Variants in GRIN2A observed in about 807,000 individuals in gnomAD.
GRIN2A encodes glutamate receptor ionotropic, NMDA 2A.
Under a neutral mutation model 113.4 loss-of-function variants are expected in GRIN2A, and 22 were observed. That is an observed-to-expected ratio of 0.19 (90% CI 0.14 to 0.28). The LOEUF is 0.28. Among genes scored for constraint, GRIN2A ranks in the 10% least tolerant of loss-of-function variants. GRIN2A has a pLI of 1.00. For missense variants in GRIN2A, 1,502 were observed against 1,887.0 expected, an observed-to-expected ratio of 0.80 and a Z score of 3.78; for synonymous variants, 827 against 738.4, an observed-to-expected ratio of 1.12 and a Z score of -1.94.
chr16:10,132,307 G>C (rs2049080840), intron 2 of GRIN2A, among the ~76,000 whole-genome samples: 1 of 131,444 alleles, frequency 7.6e-6, no homozygotes, highest in Non-Finnish European at 1.6e-5. Context: ...ACTCCAGCCT[G>C]GGCAACAGAA....
rs139650937 is a variant in GRIN2A at position 9,823,003 on chromosome 16, T to C, written c.2008-579A>G. On this transcript the variant is annotated intron_variant, in intron 9 of 12. Transcript: ENST00000330684. ...GGCACTATTTATCTAGTGCCTAACA[T>C]TCCCCAGGCATAATTGCCAGTGCAT... is the stretch of plus-strand genomic sequence containing the variant. Among the ~76,000 whole-genome samples, 413 of 152,318 alleles carry C rather than the reference T, an allele frequency of 2.7e-3. 1 individual carries two copies. The highest frequency in any genetic ancestry group is 9.4e-3 in the African/African-American group (391 of 41,584).
intron 2 of GRIN2A, among the ~76,000 whole-genome samples, chr16:9,965,656 C>G (rs1161545138): frequency 6.6e-6 from 1 of 152,170 alleles, no homozygotes; most frequent in East Asian, 1.9e-4. Context: ...TAGCACACAG[C>G]TGAGACCCAA....
At chr16:9,993,273 G>C (rs1331457940) in intron 2 of GRIN2A, among the ~76,000 whole-genome samples, 4 of 152,000 alleles carry the variant, frequency 2.6e-5, no homozygotes, top group Non-Finnish European at 2.9e-5. Flanking sequence ...AATAAGGTTG[G>C]ATATGGGGGT....
In GRIN2A at chr16:9,891,093, C is replaced by A. The variant is rs1432079771; in HGVS notation, c.1015G>T (p.Val339Phe). ...TCTTTGCCATCCCATGTAACATTGA[C>A]CATAAATCTAGAAAGGGGAAGAGAG... is the stretch of plus-strand genomic sequence containing the variant. ...VPMHTLHPFM[V>F]NVTWDGKDLS... Residue 339 changes from valine to phenylalanine, a missense_variant, in exon 4 of 13, where the codon GTC becomes TTC. Val to Phe is a conservative substitution (Grantham distance 50). Coordinates refer to ENST00000330684, the MANE Select transcript of GRIN2A (RefSeq NM_001134407.3). The A allele has an allele frequency of 6.2e-7, 1 of 1,601,128 alleles. No homozygotes were observed. The highest frequency in any genetic ancestry group is 1.1e-5 in the South Asian group (1 of 90,814).
intron 2 of GRIN2A, among the ~76,000 whole-genome samples, chr16:9,960,389 C>T (rs758824749): frequency 3.3e-5 from 5 of 152,106 alleles, no homozygotes; most frequent in Admixed American, 6.5e-5. Context: ...ATACTAAGAG[C>T]GACTGTTCTT....
At chr16:10,149,087 G>A (rs2049508261) in intron 2 of GRIN2A, among the ~76,000 whole-genome samples, 1 of 152,232 alleles carries the variant, frequency 6.6e-6, no homozygotes, top group African/African-American at 2.4e-5. Flanking sequence ...TATTGGGGGT[G>A]TGAGGGCAGG....
At chr16:10,042,197 C>T (rs2047178055) in intron 2 of GRIN2A, among the ~76,000 whole-genome samples, 1 of 152,196 alleles carries the variant, frequency 6.6e-6, no homozygotes, top group Non-Finnish European at 1.5e-5. Flanking sequence ...ATACTCCCCT[C>T]CTTCAAAAGG....
At chr16:10,146,844 G>C (rs964263304) in intron 2 of GRIN2A, among the ~76,000 whole-genome samples, 2 of 151,882 alleles carry the variant, frequency 1.3e-5, no homozygotes, top group African/African-American at 4.8e-5. Flanking sequence ...TTCCCAAGCA[G>C]ATGAGGAGGC....
At chr16:10,144,015 G>A (rs923250120) in intron 2 of GRIN2A, among the ~76,000 whole-genome samples, 2 of 151,890 alleles carry the variant, frequency 1.3e-5, no homozygotes, top group Non-Finnish European at 2.9e-5. Context: ...TGGCTCTCTT[G>A]GATAATGCCA....
chr16:10,179,717 C>T (rs918878350), intron 2 of GRIN2A: 12 of 506,906 alleles, frequency 2.4e-5, no homozygotes, highest in African/African-American at 1.9e-4. Flanking sequence ...ACCACCACCA[C>T]CCCACAGCCT....
intron 10 of GRIN2A, among the ~76,000 whole-genome samples, chr16:9,819,980 G>A (rs1250641194): frequency 6.9e-6 from 1 of 145,010 alleles, no homozygotes; most frequent in African/African-American, 2.5e-5. Context: ...TAGTTTCTGA[G>A]TTTAAAGTAA....
chr16:9,937,869 C>A (rs1028913043), intron 3 of GRIN2A, 90 bp downstream of exon 3: 1 of 881,698 alleles, frequency 1.1e-6, no homozygotes, highest in Non-Finnish European at 1.9e-6. Context: ...ATTTTCAGTG[C>A]GTATTTCCAA....
At chr16:9,880,141 C>T (rs192314588) in intron 4 of GRIN2A, among the ~76,000 whole-genome samples, 4 of 152,276 alleles carry the variant, frequency 2.6e-5, no homozygotes, top group African/African-American at 9.6e-5. Context: ...CCAGGCTGGG[C>T]TCATATCTGG....
chr16:10,153,886 T>C (rs1203085576), intron 2 of GRIN2A, among the ~76,000 whole-genome samples: 1 of 152,230 alleles, frequency 6.6e-6, no homozygotes, highest in Non-Finnish European at 1.5e-5. Flanking sequence ...CCGTGCTGAA[T>C]GCTGGAGGGG....
intron 4 of GRIN2A, among the ~76,000 whole-genome samples, chr16:9,884,674 T>G (rs1327373772): frequency 1.3e-5 from 2 of 151,862 alleles, no homozygotes; most frequent in African/African-American, 4.8e-5. Context: ...TCCAATTTAT[T>G]ACTCAAGGCT....
chr16:10,161,081 T>C (rs1047093143), intron 2 of GRIN2A, among the ~76,000 whole-genome samples: 2 of 152,240 alleles, frequency 1.3e-5, no homozygotes, highest in African/African-American at 4.8e-5. Context: ...TCTTGAATTG[T>C]AGTTCCCATC....
chr16:10,175,842 G>T (rs1230647146), intron 2 of GRIN2A, among the ~76,000 whole-genome samples: 1 of 152,126 alleles, frequency 6.6e-6, no homozygotes, highest in African/African-American at 2.4e-5. Context: ...GAGCAGAAGT[G>T]TAAAGATCTA....
intron 2 of GRIN2A, among the ~76,000 whole-genome samples, chr16:9,976,634 G>C (rs550993702): frequency 4.6e-5 from 7 of 152,282 alleles, no homozygotes; most frequent in African/African-American, 1.7e-4. Context: ...CCAAGTTTGT[G>C]CTGTCTTTTT....
At chr16:10,058,160 C>A (rs188557188) in intron 2 of GRIN2A, among the ~76,000 whole-genome samples, 348 of 151,838 alleles carry the variant, frequency 2.3e-3, no homozygotes, top group Admixed American at 3.9e-3. Context: ...GAGGCTGAGG[C>A]GGGAGAATTG....
Sources: allele counts gnomAD v4.1 joint callset (sites outside exome capture counted in the v4.1 genomes callset), GRCh38; gene constraint gnomAD v4.1.1; transcripts MANE v1.5; gene names NCBI Gene and HGNC (gene_info 2026-07-23, HGNC 2026-07-21).